Variants in C10orf90 observed in about 807,000 individuals in gnomAD.
The protein encoded by C10orf90 is chromosome 10 open reading frame 90.
A neutral mutation model predicts 62.5 loss-of-function variants in C10orf90; 56 were observed. The ratio of observed to expected loss-of-function variants is 0.90; its 90% CI spans 0.72 to 1.12. The LOEUF is 1.12. Among genes scored for constraint, C10orf90 ranks in the 50% most tolerant of loss-of-function variants. The probability of loss-of-function intolerance (pLI) is 0.00; values close to 1 mark genes in which losing one functional copy is unlikely to be tolerated. For synonymous variants in C10orf90, 386 were observed against 340.4 expected (o/e 1.13, Z -1.47); for missense variants, 970 against 880.4 (o/e 1.10, Z -1.29).
At chr10:126,469,958 G>A (rs920672838) in intron 4 of C10orf90, 15 of 456,622 alleles carry the variant, frequency 3.3e-5, no homozygotes, top group Admixed American at 7.0e-5. Flanking sequence ...CAATAAATAC[G>A]TTGCATGCTG....
At chr10:126,535,244 G>A (rs1344648975) in intron 2 of C10orf90, among the ~76,000 whole-genome samples, 1 of 151,944 alleles carries the variant, frequency 6.6e-6, no homozygotes, top group African/African-American at 2.4e-5. Flanking sequence ...TCAGCTGGGT[G>A]TGGTGGGTCA....
intron 7 of C10orf90, among the ~76,000 whole-genome samples, chr10:126,442,449 C>T (rs1858404492): frequency 9.4e-6 from 1 of 105,892 alleles, no homozygotes; most frequent in South Asian, 3.1e-4. Flanking sequence ...CAGACAGCAA[C>T]ACAATAATAG....
chr10:126,430,071 T>C (rs1857483887), intron 7 of C10orf90, among the ~76,000 whole-genome samples: 1 of 152,182 alleles, frequency 6.6e-6, no homozygotes, highest in African/African-American at 2.4e-5. Flanking sequence ...GGACGTGAAG[T>C]ACAATGTTAG....
chr10:126,630,496 G>T (rs1054490783), intron 2 of C10orf90, among the ~76,000 whole-genome samples: 4 of 152,132 alleles, frequency 2.6e-5, no homozygotes, highest in Non-Finnish European at 5.9e-5. Context: ...AGCGCAGAGT[G>T]GGGGCAGTGA....
chr10:126,447,030 AG>A (rs905631393), intron 7 of C10orf90, among the ~76,000 whole-genome samples: 5 of 152,146 alleles, frequency 3.3e-5, no homozygotes, highest in African/African-American at 1.2e-4. Context: ...GATACACAGC[AG>A]ACAAAAGAGA....
At chr10:126,560,446 A>G (rs1864875812) in intron 2 of C10orf90, among the ~76,000 whole-genome samples, 1 of 152,168 alleles carries the variant, frequency 6.6e-6, no homozygotes, top group Non-Finnish European at 1.5e-5. Flanking sequence ...ACTTCATCTT[A>G]ATGGGCAGTC....
chr10:126,565,351 T>A (rs1415649844), intron 2 of C10orf90, among the ~76,000 whole-genome samples: 6 of 71,804 alleles, frequency 8.4e-5, no homozygotes, highest in Admixed American at 2.4e-4. Flanking sequence ...TAATATATAA[T>A]ATATAATATA....
chr10:126,511,076 C>T (rs1333275026), intron 3 of C10orf90, among the ~76,000 whole-genome samples: 2 of 152,216 alleles, frequency 1.3e-5, no homozygotes. Flanking sequence ...TGCTGCAAAC[C>T]TGCCTTCCTC....
At chr10:126,603,540 A>T (rs1845243757) in intron 2 of C10orf90, among the ~76,000 whole-genome samples, 1 of 152,122 alleles carries the variant, frequency 6.6e-6, no homozygotes, top group Non-Finnish European at 1.5e-5. Context: ...TGGATAAAAC[A>T]ATATACCTGA....
rs530397092 is a variant in C10orf90, at chr10:126,517,402, C to T, written c.314-3463G>A. 2.0e-5 allele frequency among the ~76,000 whole-genome samples: 3 copies of T among 152,274 alleles called. No individual in the cohort carries two copies. In the East Asian group the frequency reaches 5.8e-4, roughly 29 times the overall value. On this transcript the variant is annotated intron_variant, in intron 2 of 9. Coordinates refer to ENST00000488181, the MANE Select transcript of C10orf90 (RefSeq NM_001350921.2). ...TGCAGGCCCTGAACACAGCAGCATA[C>T]ACACTAAATAGGGCTTTGTCTCTAA...
chr10:126,582,062 C>T (rs1313710343), intron 2 of C10orf90, among the ~76,000 whole-genome samples: 3 of 152,226 alleles, frequency 2.0e-5, no homozygotes, highest in Non-Finnish European at 4.4e-5. Context: ...ATATTCCCGG[C>T]ATCCACAGCA....
chr10:126,450,248 T>A (rs774139404), intron 7 of C10orf90, among the ~76,000 whole-genome samples: 1 of 152,222 alleles, frequency 6.6e-6, no homozygotes, highest in Non-Finnish European at 1.5e-5. Flanking sequence ...ATTTGCAGAA[T>A]ATTGTTAAAA....
At chr10:126,461,287 A>G (rs1859956471) in intron 6 of C10orf90, 114 bp downstream of exon 6, 1 of 1,229,664 alleles carries the variant, frequency 8.1e-7, no homozygotes. Context: ...AGCTGCTACA[A>G]AGTGAAATCA....
At chr10:126,562,794 T>C (rs1864933454) in intron 2 of C10orf90, among the ~76,000 whole-genome samples, 1 of 152,126 alleles carries the variant, frequency 6.6e-6, no homozygotes, top group Admixed American at 6.6e-5. Context: ...ACCAGGACAG[T>C]AAAACCATCA....
chr10:126,539,019 A>G (rs1275866274), intron 2 of C10orf90, among the ~76,000 whole-genome samples: 1 of 152,186 alleles, frequency 6.6e-6, no homozygotes, highest in African/African-American at 2.4e-5. Flanking sequence ...CTGGGCCTGG[A>G]GCAAAATTAG....
intron 2 of C10orf90, among the ~76,000 whole-genome samples, chr10:126,571,323 C>T (rs887341510): frequency 6.6e-6 from 1 of 152,212 alleles, no homozygotes; most frequent in Non-Finnish European, 1.5e-5. Flanking sequence ...AGGTGAGACT[C>T]ACCAGGGCAA....
intron 4 of C10orf90, among the ~76,000 whole-genome samples, chr10:126,480,186 T>C (rs1332457347): frequency 6.6e-6 from 1 of 152,206 alleles, no homozygotes; most frequent in African/African-American, 2.4e-5. Context: ...CTCTTGGATA[T>C]AATAAAATCA....
At chr10:126,647,716 A>G (rs1206014229) in intron 1 of C10orf90, among the ~76,000 whole-genome samples, 1 of 152,214 alleles carries the variant, frequency 6.6e-6, no homozygotes, top group Non-Finnish European at 1.5e-5. Context: ...AGTGCTGAAA[A>G]TTATTGAGAC....
intron 4 of C10orf90, among the ~76,000 whole-genome samples, chr10:126,490,093 AATATATAAT>A (rs1287355107): frequency 4.4e-5 from 5 of 113,002 alleles, no homozygotes; most frequent in African/African-American, 1.4e-4. Flanking sequence ...AATAATATAT[AATATATAAT>A]ATATATGTAT....
Sources: allele counts gnomAD v4.1 joint callset (sites outside exome capture counted in the v4.1 genomes callset), GRCh38; gene constraint gnomAD v4.1.1; transcripts MANE v1.5; gene names NCBI Gene and HGNC (gene_info 2026-07-23, HGNC 2026-07-21).